GPHN: variants seen among roughly 807,000 people sequenced by gnomAD.
GPHN encodes the protein gephyrin.
Under a neutral mutation model 95.5 loss-of-function variants are expected in GPHN, and 17 were observed. The ratio of observed to expected loss-of-function variants is 0.18; its 90% CI spans 0.12 to 0.27. The LOEUF (loss-of-function observed/expected upper bound fraction) is 0.27. Ranked by LOEUF, GPHN falls within the 10% of genes least tolerant of loss-of-function variation. The pLI is 1.00. For missense variants in GPHN, 660 were observed against 978.1 expected (o/e 0.67, Z 4.34); for synonymous variants, 320 against 322.5 (o/e 0.99, Z 0.08).
the GPHN span, chr14:67,388,239 T>G: frequency 1.2e-6 from 2 of 1,612,608 alleles, no homozygotes; most frequent in Non-Finnish European, 1.7e-6. Context: ...GGAACGCCAT[T>G]ATCTTCCAGA....
At chr14:67,692,393 T>C in the GPHN span, 1 of 1,601,170 alleles carries the variant, frequency 6.2e-7, no homozygotes, top group African/African-American at 1.3e-5. Context: ...ATCTGCCATG[T>C]TGACCTCAAG....
At chr14:67,483,768 C>T in the GPHN span, among the ~76,000 whole-genome samples, 3 of 152,332 alleles carry the variant, frequency 2.0e-5, no homozygotes, top group African/African-American at 4.8e-5. Context: ...TCAGATGGCC[C>T]GGCCCAGCCC....
intron 17 of GPHN, among the ~76,000 whole-genome samples, chr14:67,138,576 G>C (rs2080243307): frequency 6.6e-6 from 1 of 152,104 alleles, no homozygotes; most frequent in African/African-American, 2.4e-5. Flanking sequence ...CTGGGGGAAG[G>C]AATATGAAGT....
At chr14:67,392,831 C>T in the GPHN span, 3 of 1,612,044 alleles carry the variant, frequency 1.9e-6, no homozygotes, top group African/African-American at 4.0e-5. Context: ...GGAGATGAGC[C>T]AGTCCACCAG....
At chr14:67,188,633 C>A in the GPHN span, among the ~76,000 whole-genome samples, 1 of 152,094 alleles carries the variant, frequency 6.6e-6, no homozygotes, top group Admixed American at 6.5e-5. Context: ...ATAGAATAGG[C>A]GAAACAGAGC....
At chr14:66,609,570 G>T (rs1256859791) in intron 1 of GPHN, among the ~76,000 whole-genome samples, 2 of 152,002 alleles carry the variant, frequency 1.3e-5, no homozygotes, top group Non-Finnish European at 2.9e-5. Flanking sequence ...GAATGCCAAT[G>T]AATCCTAGGT....
At chr14:67,059,395 T>A (rs1315991183) in intron 11 of GPHN, among the ~76,000 whole-genome samples, 3 of 152,160 alleles carry the variant, frequency 2.0e-5, no homozygotes, top group African/African-American at 4.8e-5. Context: ...TTCCAGCCAA[T>A]AAAGCTTGTG....
the GPHN span, among the ~76,000 whole-genome samples, chr14:67,708,484 A>T: frequency 6.6e-6 from 1 of 152,134 alleles, no homozygotes; most frequent in Non-Finnish European, 1.5e-5. Flanking sequence ...ACAAGACAAC[A>T]ATTGTCTGTG....
the GPHN span, chr14:67,198,290 T>C: frequency 6.2e-7 from 1 of 1,613,790 alleles, no homozygotes; most frequent in Admixed American, 1.7e-5. Context: ...CTTTTGTATC[T>C]CCTCCCATGT....
At chr14:67,064,985 TG>T (rs1241337851) in intron 11 of GPHN, among the ~76,000 whole-genome samples, 5 of 152,202 alleles carry the variant, frequency 3.3e-5, no homozygotes, top group Admixed American at 2.6e-4. Context: ...CTTTTGAATG[TG>T]TTTGCTCTTG....
intron 4 of GPHN, among the ~76,000 whole-genome samples, chr14:66,844,815 C>T (rs1278087416): frequency 6.6e-6 from 1 of 152,058 alleles, no homozygotes; most frequent in Non-Finnish European, 1.5e-5. Flanking sequence ...CAACCGTCAC[C>T]ACTGTTTCTA....
At chr14:67,346,807 T>C in the GPHN span, among the ~76,000 whole-genome samples, 1 of 152,200 alleles carries the variant, frequency 6.6e-6, no homozygotes, top group Non-Finnish European at 1.5e-5. Flanking sequence ...AAACTGGGAA[T>C]TATAAGCAGT....
chr14:66,643,063 G>T (rs985024106), intron 1 of GPHN, among the ~76,000 whole-genome samples: 3 of 151,860 alleles, frequency 2.0e-5, no homozygotes, highest in African/African-American at 7.3e-5. Flanking sequence ...TCCAACAAAG[G>T]ACTCATATTC....
At chr14:67,694,134 T>C in the GPHN span, among the ~76,000 whole-genome samples, 1 of 152,094 alleles carries the variant, frequency 6.6e-6, no homozygotes, top group African/African-American at 2.4e-5. Context: ...TCATTGAACT[T>C]GGAATTGCAA....
At chr14:67,245,105 A>G in the GPHN span, among the ~76,000 whole-genome samples, 14 of 152,362 alleles carry the variant, frequency 9.2e-5, no homozygotes, top group Non-Finnish European at 1.5e-4. Context: ...CCTGCCAGTA[A>G]TTTTAGCCAA....
chr14:66,759,898 T>A (rs946358778), intron 2 of GPHN, among the ~76,000 whole-genome samples: 4 of 152,194 alleles, frequency 2.6e-5, no homozygotes, highest in African/African-American at 9.6e-5. Context: ...TAGAGAAACT[T>A]CTGAATTATA....
chr14:66,715,015 G>T (rs6573713), intron 2 of GPHN, among the ~76,000 whole-genome samples: 49,854 of 151,878 alleles, frequency 0.33, 11,993 homozygotes, highest in African/African-American at 0.66. Context: ...GTTGGTTCCC[G>T]GTTTCTCTAT....
intron 17 of GPHN, among the ~76,000 whole-genome samples, chr14:67,123,203 T>C (rs2079108828): frequency 6.6e-6 from 1 of 152,222 alleles, no homozygotes; most frequent in African/African-American, 2.4e-5. Context: ...TTCTCTCTTA[T>C]CACTACCTCA....
At chr14:67,574,363 G>T in the GPHN span, 1 of 1,592,798 alleles carries the variant, frequency 6.3e-7, no homozygotes, top group Non-Finnish European at 8.6e-7. The surrounding 1 kb of genome is among the most constrained non-coding windows in gnomAD (Gnocchi z 4.2). Flanking sequence ...GCTCTGCTTC[G>T]GGGTGGCACC....
Sources: gnomAD v4.1 joint callset for allele counts (sites outside exome capture counted in the v4.1 genomes callset) on GRCh38, gnomAD v4.1.1 for gene constraint, Gnocchi (gnomAD v3.1) non-coding constraint, MANE v1.5 for transcripts, NCBI Gene and HGNC (gene_info 2026-07-23, HGNC 2026-07-21) for gene names.